The following NUP210L variants were observed in gnomAD, a reference collection of about 807,000 sequenced individuals.
The protein encoded by NUP210L is nucleoporin 210 like.
Under a neutral mutation model 208.5 loss-of-function variants are expected in NUP210L, and 74 were observed. That is an observed-to-expected ratio of 0.35 (90% CI 0.29 to 0.43). The LOEUF is 0.43. Ranked by LOEUF, NUP210L falls within the 20% of genes least tolerant of loss-of-function variation. The pLI, the probability that NUP210L is intolerant of heterozygous loss-of-function variation, is 1.00. For missense variants in NUP210L, 1,843 were observed against 2,289.4 expected (o/e 0.81, Z 3.98); for synonymous variants, 780 against 816.9 (o/e 0.95, Z 0.77).
intron 3 of NUP210L, among the ~76,000 whole-genome samples, chr1:154,141,817 C>T (rs1558007075): frequency 1.3e-5 from 2 of 152,312 alleles, no homozygotes; most frequent in East Asian, 3.9e-4. Flanking sequence ...AAGGCCACCT[C>T]ATGGTTGACA....
chr1:154,113,968 C>A (rs952978646), intron 12 of NUP210L, among the ~76,000 whole-genome samples: 2 of 151,148 alleles, frequency 1.3e-5, no homozygotes, highest in Non-Finnish European at 2.9e-5. Context: ...CATGGTGAAA[C>A]CCCGTCTCTA....
At chr1:154,065,518 C>A (rs1271777602) in intron 17 of NUP210L, among the ~76,000 whole-genome samples, 1 of 152,086 alleles carries the variant, frequency 6.6e-6, no homozygotes, top group African/African-American at 2.4e-5. Flanking sequence ...GGAAAACTAC[C>A]TTCACATTTT....
chr1:154,027,568 T>A (rs367839370), exon 29 of NUP210L: 149 of 1,613,530 alleles, frequency 9.2e-5, no homozygotes, highest in Admixed American at 3.2e-4. Context: ...GTTGGCACTC[T>A]GGATAGAAGA....
chr1:154,124,936 G>T (rs528721961), intron 10 of NUP210L, among the ~76,000 whole-genome samples: 1 of 152,230 alleles, frequency 6.6e-6, no homozygotes, highest in South Asian at 2.1e-4. Context: ...CTGGGTGACA[G>T]AGTGAGACTT....
chr1:154,074,680 C>A (rs1037157233), intron 16 of NUP210L, among the ~76,000 whole-genome samples: 35 of 152,024 alleles, frequency 2.3e-4, no homozygotes, highest in Admixed American at 1.8e-3. Flanking sequence ...TTAGTAGAGA[C>A]GGGGTTTCAC....
intron 17 of NUP210L, among the ~76,000 whole-genome samples, chr1:154,067,609 A>G (rs557914549): frequency 4.5e-4 from 69 of 152,332 alleles, no homozygotes; most frequent in Non-Finnish European, 8.2e-4. Flanking sequence ...ATCAGGCAAG[A>G]GAAAGAAATA....
exon 1 of NUP210L, chr1:154,154,961 AAAC>A (rs756816116): frequency 2.4e-5 from 39 of 1,614,064 alleles, no homozygotes; most frequent in East Asian, 1.3e-4. Context: ...GCAAAACCAG[AAAC>A]AACAACAGGA....
chr1:154,088,231 G>A (rs79888998), intron 16 of NUP210L, among the ~76,000 whole-genome samples: 1,848 of 152,036 alleles, frequency 0.012, 36 homozygotes, highest in African/African-American at 0.042. Flanking sequence ...CCAGCTAACT[G>A]GGGGGTTGAG....
Position 154,129,363 on chromosome 1 carries a change from G to T in NUP210L, c.1010-18C>A. Reference sequence around the variant, plus strand: ...ATGAACATCTTAATTTTTGCTTAAGGAAATCATGTGAGCCAGAGTTGGGTG... The same window carrying T: ...ATGAACATCTTAATTTTTGCTTAAGTAAATCATGTGAGCCAGAGTTGGGTG... On this transcript the variant is annotated intron_variant, in intron 7 of 39. Transcript: ENST00000368559. The T allele has an allele frequency of 6.5e-7, 1 of 1,547,328 alleles. No homozygotes were observed. Among genetic ancestry groups the T allele is most frequent in the Non-Finnish European group, 8.9e-7 (1 of 1,124,412 alleles).
chr1:154,153,655 C>T (rs1039514581), intron 1 of NUP210L, among the ~76,000 whole-genome samples: 1 of 150,902 alleles, frequency 6.6e-6, no homozygotes, highest in Non-Finnish European at 1.5e-5. Flanking sequence ...TATGTTGATC[C>T]GGCTGGTCTC....
chr1:154,110,271 C>T (rs530367978), intron 12 of NUP210L, among the ~76,000 whole-genome samples: 2 of 150,276 alleles, frequency 1.3e-5, no homozygotes, highest in East Asian at 3.9e-4. Flanking sequence ...AAAAAAACAA[C>T]CCAATGTTGT....
At chr1:154,074,863 T>A (rs542238118) in intron 16 of NUP210L, among the ~76,000 whole-genome samples, 4 of 152,238 alleles carry the variant, frequency 2.6e-5, no homozygotes, top group Non-Finnish European at 4.4e-5. Flanking sequence ...AAGTGCAGAT[T>A]TCTTACATGC....
chr1:154,082,778 G>A (rs1402772941), intron 16 of NUP210L, among the ~76,000 whole-genome samples: 1 of 152,182 alleles, frequency 6.6e-6, no homozygotes, highest in Non-Finnish European at 1.5e-5. Flanking sequence ...TGGTCTCGCT[G>A]ACTTCAGGAG....
intron 12 of NUP210L, among the ~76,000 whole-genome samples, chr1:154,106,292 T>C (rs931595693): frequency 1.3e-5 from 2 of 151,962 alleles, no homozygotes; most frequent in African/African-American, 2.4e-5. Flanking sequence ...AATAAAAAGA[T>C]TGGGAAGGGC....
intron 35 of NUP210L, among the ~76,000 whole-genome samples, chr1:154,007,674 G>T (rs1438335697): frequency 6.6e-6 from 1 of 151,702 alleles, no homozygotes; most frequent in African/African-American, 2.4e-5. Flanking sequence ...CCGGGTTCAC[G>T]CCATTCTCCT....
chr1:154,055,602 CCCAGGGTGGTCTCAAACT>C (rs1375865268), intron 23 of NUP210L, among the ~76,000 whole-genome samples: 7 of 151,938 alleles, frequency 4.6e-5, no homozygotes, highest in Admixed American at 4.6e-4. Flanking sequence ...CCCTATGTTA[CCCAGGGTGGTCTCAAACT>C]CCTAGGCTCA....
chr1:154,122,051 G>C (rs1244203269), intron 10 of NUP210L, among the ~76,000 whole-genome samples: 1 of 152,002 alleles, frequency 6.6e-6, no homozygotes, highest in East Asian at 1.9e-4. Flanking sequence ...GCCAGACTCA[G>C]AAAGAAAACA....
intron 38 of NUP210L, among the ~76,000 whole-genome samples, chr1:153,994,176 A>T (rs552951033): frequency 6.6e-6 from 1 of 152,160 alleles, no homozygotes; most frequent in East Asian, 1.9e-4. Context: ...CATTGCACCC[A>T]GTCTGTTTTG....
intron 27 of NUP210L, among the ~76,000 whole-genome samples, chr1:154,035,276 T>A (rs568531825): frequency 6.6e-6 from 1 of 152,182 alleles, no homozygotes; most frequent in Non-Finnish European, 1.5e-5. Flanking sequence ...TCTTTTTCAT[T>A]TCAATTTCAT....
Sources: gnomAD v4.1 joint callset for allele counts (sites outside exome capture counted in the v4.1 genomes callset) on GRCh38, gnomAD v4.1.1 for gene constraint, MANE v1.5 for transcripts, NCBI Gene and HGNC (gene_info 2026-07-23, HGNC 2026-07-21) for gene names.